Variants in CCDC192 observed in about 807,000 individuals in gnomAD.
CCDC192 encodes the protein coiled-coil domain-containing protein 192.
At chr5:127,750,792 G>A (rs1245852135) in intron 2 of CCDC192, among the ~76,000 whole-genome samples, 3 of 150,496 alleles carry the variant, frequency 2.0e-5, no homozygotes, top group Admixed American at 2.0e-4. Context: ...ATGAATCTGG[G>A]TGCTCCTGTA....
At chr5:127,725,059 A>G (rs1306664208) in intron 2 of CCDC192, among the ~76,000 whole-genome samples, 5 of 152,218 alleles carry the variant, frequency 3.3e-5, no homozygotes, top group East Asian at 1.9e-4. Flanking sequence ...AAAGTTAAAC[A>G]TAGCAAAACT....
intron 6 of CCDC192, among the ~76,000 whole-genome samples, chr5:127,932,327 C>T (rs1011600593): frequency 6.6e-6 from 1 of 152,022 alleles, no homozygotes; most frequent in African/African-American, 2.4e-5. Context: ...ACCTCAGCCT[C>T]CCAACTAGCT....
In CCDC192 at chr5:127,840,212, T is replaced by A. The variant is rs1187603816; in HGVS notation, c.412-35326T>A. On this transcript the variant is annotated intron_variant, in intron 5 of 6. Transcript: ENST00000514853. ...CAGCCATTGTTTTAGAAAGCAACAT[T>A]ACATAGGATTCTTGGACTTGACATT... 3.3e-5 allele frequency among the ~76,000 whole-genome samples: 5 copies of A among 152,178 alleles called. No individual in the cohort carries two copies. The South Asian group carries it at 1.0e-3, about 31-fold the overall frequency.
chr5:127,741,977 G>C (rs1753445038), intron 2 of CCDC192, among the ~76,000 whole-genome samples: 1 of 152,098 alleles, frequency 6.6e-6, no homozygotes, highest in Admixed American at 6.6e-5. Context: ...CACCAAACTT[G>C]TGACATTCTT....
At chr5:127,815,056 C>G (rs897557021) in intron 5 of CCDC192, among the ~76,000 whole-genome samples, 1 of 152,098 alleles carries the variant, frequency 6.6e-6, no homozygotes, top group African/African-American at 2.4e-5. Flanking sequence ...AAGGATCTCT[C>G]TCTTTCAGCA....
chr5:127,863,137 T>A (rs1334055117), intron 5 of CCDC192, among the ~76,000 whole-genome samples: 1 of 152,214 alleles, frequency 6.6e-6, no homozygotes, highest in African/African-American at 2.4e-5. Flanking sequence ...ATGAAATTTA[T>A]AATTAAAAGG....
chr5:127,898,598 A>T (rs1752958333), intron 6 of CCDC192, among the ~76,000 whole-genome samples: 1 of 152,160 alleles, frequency 6.6e-6, no homozygotes, highest in African/African-American at 2.4e-5. Context: ...GGAGAGGTGG[A>T]ATACAAGAGA....
At chr5:127,880,955 G>C (rs1033874629) in intron 6 of CCDC192, among the ~76,000 whole-genome samples, 6 of 152,144 alleles carry the variant, frequency 3.9e-5, no homozygotes, top group African/African-American at 1.2e-4. Flanking sequence ...ACTCCAGCCT[G>C]GGTGACAGAG....
chr5:127,752,998 C>T (rs532391566), intron 2 of CCDC192, among the ~76,000 whole-genome samples: 146 of 152,312 alleles, frequency 9.6e-4, no homozygotes, highest in Non-Finnish European at 1.8e-3. Flanking sequence ...ACCCACTGAC[C>T]TGCGCCCACT....
intron 6 of CCDC192, among the ~76,000 whole-genome samples, chr5:127,917,868 G>C (rs1222528428): frequency 6.6e-6 from 1 of 152,168 alleles, no homozygotes; most frequent in Non-Finnish European, 1.5e-5. Flanking sequence ...AACCGGGCAT[G>C]GTGGCTCACA....
chr5:127,792,038 G>A (rs1430826908), intron 3 of CCDC192, among the ~76,000 whole-genome samples: 1 of 152,206 alleles, frequency 6.6e-6, no homozygotes, highest in Non-Finnish European at 1.5e-5. Flanking sequence ...AGTGCTGGGT[G>A]TGGTGGCTTA....
At chr5:127,841,249 A>G (rs980111389) in intron 5 of CCDC192, among the ~76,000 whole-genome samples, 3 of 152,212 alleles carry the variant, frequency 2.0e-5, no homozygotes, top group African/African-American at 7.2e-5. Flanking sequence ...TTTGAGGCTC[A>G]AGAGAACAAA....
At chr5:127,823,073 C>T (rs539571080) in intron 5 of CCDC192, among the ~76,000 whole-genome samples, 3 of 152,332 alleles carry the variant, frequency 2.0e-5, no homozygotes, top group African/African-American at 4.8e-5. Flanking sequence ...AGCTCTGCAT[C>T]GCAAGAGGTC....
intron 6 of CCDC192, among the ~76,000 whole-genome samples, chr5:127,931,593 A>G (rs1754030318): frequency 6.6e-6 from 1 of 152,132 alleles, no homozygotes; most frequent in African/African-American, 2.4e-5. Flanking sequence ...TTCACCATAA[A>G]TCTTGCAGGT....
intron 6 of CCDC192, among the ~76,000 whole-genome samples, chr5:127,888,138 G>A (rs183515123): frequency 4.4e-4 from 67 of 151,904 alleles, no homozygotes; most frequent in Non-Finnish European, 7.2e-4. Flanking sequence ...CAGGACAGCC[G>A]GGTGCAGTGG....
At chr5:127,852,152 T>G (rs1364762078) in intron 5 of CCDC192, among the ~76,000 whole-genome samples, 1 of 152,200 alleles carries the variant, frequency 6.6e-6, no homozygotes, top group Admixed American at 6.5e-5. Context: ...CTATCACACG[T>G]GCCTCCTCTC....
intron 6 of CCDC192, among the ~76,000 whole-genome samples, chr5:127,938,808 C>T (rs1220407320): frequency 6.6e-6 from 1 of 152,208 alleles, no homozygotes; most frequent in Non-Finnish European, 1.5e-5. Context: ...TGACTAGTGA[C>T]TACTGTATTG....
intron 6 of CCDC192, among the ~76,000 whole-genome samples, chr5:127,881,927 A>G (rs1029333431): frequency 6.6e-6 from 1 of 152,192 alleles, no homozygotes; most frequent in Non-Finnish European, 1.5e-5. Context: ...ACCTAAGGTT[A>G]AATTTTAAAA....
chr5:127,717,675 G>C (rs1289857289), intron 2 of CCDC192, among the ~76,000 whole-genome samples: 6 of 151,646 alleles, frequency 4.0e-5, no homozygotes, highest in Admixed American at 3.9e-4. Flanking sequence ...GGTCTCCAGG[G>C]AACTCTCTGG....
Sources: allele counts gnomAD v4.1 joint callset (sites outside exome capture counted in the v4.1 genomes callset), GRCh38; gene constraint gnomAD v4.1.1; transcripts MANE v1.5; gene names NCBI Gene and HGNC (gene_info 2026-07-23, HGNC 2026-07-21).